Variants in TEX48 observed in about 807,000 individuals in gnomAD.
TEX48 encodes testis expressed 48.
Under a neutral mutation model 13.2 loss-of-function variants are expected in TEX48, and 10 were observed. That is an observed-to-expected ratio of 0.75 (90% confidence interval 0.47 to 1.28). TEX48 has a LOEUF of 1.28. TEX48 is among the 50% of genes most tolerant of loss of function. The pLI, the probability that TEX48 is intolerant of heterozygous loss-of-function variation, is 0.00. For missense variants in TEX48, 116 were observed against 139.4 expected, an observed-to-expected ratio of 0.83 and a Z score of 0.84; for synonymous variants, 45 against 52.3, an observed-to-expected ratio of 0.86 and a Z score of 0.60.
At chr9:114,679,132 T>A (rs1799651367) in intron 1 of TEX48, among the ~76,000 whole-genome samples, 2 of 151,742 alleles carry the variant, frequency 1.3e-5, no homozygotes, top group Admixed American at 6.6e-5. Context: ...AAACAAAAAG[T>A]GTAAGTAAAA....
At chr9:114,677,798 T>G (rs1203247426) in intron 1 of TEX48, among the ~76,000 whole-genome samples, 1 of 151,964 alleles carries the variant, frequency 6.6e-6, no homozygotes, top group Non-Finnish European at 1.5e-5. Context: ...GAGTCAGTAA[T>G]TTTCAGGTTT....
chr9:114,680,045 T>C (rs1408644191), intron 1 of TEX48, among the ~76,000 whole-genome samples: 2 of 151,588 alleles, frequency 1.3e-5, no homozygotes, highest in Admixed American at 1.3e-4. Flanking sequence ...TAGATGGTCA[T>C]GCCAGGGAAA....
intron 1 of TEX48, among the ~76,000 whole-genome samples, chr9:114,673,834 T>G (rs1364526687): frequency 6.6e-6 from 1 of 151,688 alleles, no homozygotes; most frequent in Non-Finnish European, 1.5e-5. Flanking sequence ...GAGACAGAGT[T>G]TTACTCTGTC....
chr9:114,680,122 T>C (rs1828161784), intron 1 of TEX48, among the ~76,000 whole-genome samples: 1 of 124,498 alleles, frequency 8.0e-6, no homozygotes, highest in Non-Finnish European at 1.7e-5. Flanking sequence ...TCATTGTCCC[T>C]TTTTTTTTTT....
intron 1 of TEX48, among the ~76,000 whole-genome samples, chr9:114,674,663 TTCC>T (rs754415106): frequency 0.19 from 12,523 of 65,348 alleles, 1,739 homozygotes; most frequent in African/African-American, 0.28. Flanking sequence ...CCTTCCTTCC[TTCC>T]TTCTTTCCTT....
chr9:114,674,949 G>A (rs1219211985), intron 1 of TEX48, among the ~76,000 whole-genome samples: 1 of 151,382 alleles, frequency 6.6e-6, no homozygotes, highest in African/African-American at 2.4e-5. Context: ...GGGGTTACAG[G>A]TGTGAGTCAC....
chr9:114,671,079 T>C (rs1201406486), intron 3 of TEX48, among the ~76,000 whole-genome samples: 1 of 152,188 alleles, frequency 6.6e-6, no homozygotes, highest in African/African-American at 2.4e-5. Context: ...CAAATTTACC[T>C]GGAGATCCTG....
At chr9:114,670,077 C>G (rs1827916956) in intron 3 of TEX48, among the ~76,000 whole-genome samples, 1 of 152,166 alleles carries the variant, frequency 6.6e-6, no homozygotes, top group Admixed American at 6.5e-5. Context: ...TTCATATCTG[C>G]AAAATGCTAT....
At chr9:114,672,526 A>G (rs1827967929) in intron 1 of TEX48, among the ~76,000 whole-genome samples, 1 of 152,168 alleles carries the variant, frequency 6.6e-6, no homozygotes. Flanking sequence ...GGCGTCCCTC[A>G]CAATACCTAA....
chr9:114,674,640 TCCTTCCTTCCTTCCTTCCTTCCTTCC>T (rs1828024795), intron 1 of TEX48, among the ~76,000 whole-genome samples: 1 of 136,628 alleles, frequency 7.3e-6, no homozygotes, highest in Admixed American at 7.7e-5. Context: ...CTTCCTTCCT[TCCTTCCTTCCTTCCTTCCTTCCTTCC>T]TTCTTTCCTT....
chr9:114,668,747 TC>T (rs1331648646), intron 3 of TEX48, among the ~76,000 whole-genome samples: 1 of 152,196 alleles, frequency 6.6e-6, no homozygotes, highest in African/African-American at 2.4e-5. Context: ...AAACATCTCT[TC>T]CCCAAGTTAT....
At chr9:114,667,647 C>G (rs148651097) in intron 4 of TEX48, among the ~76,000 whole-genome samples, 10,080 of 152,110 alleles carry the variant, frequency 0.066, 427 homozygotes, top group African/African-American at 0.12. Context: ...ACCTGTAATC[C>G]CAGCACTTTG....
At chr9:114,676,225 A>G (rs1038414484) in intron 1 of TEX48, among the ~76,000 whole-genome samples, 3 of 152,016 alleles carry the variant, frequency 2.0e-5, no homozygotes, top group Non-Finnish European at 4.4e-5. Context: ...CTGTAGTGGC[A>G]CCATCAGGGC....
intron 1 of TEX48, among the ~76,000 whole-genome samples, chr9:114,676,326 G>C (rs1828063119): frequency 6.6e-6 from 1 of 151,876 alleles, no homozygotes; most frequent in African/African-American, 2.4e-5. Context: ...ACCATGCCCG[G>C]TTATAGTTTT....
chr9:114,680,944 A>G (rs1828187257), intron 1 of TEX48, among the ~76,000 whole-genome samples: 1 of 152,228 alleles, frequency 6.6e-6, no homozygotes, highest in South Asian at 2.1e-4. Flanking sequence ...AAAGCCCCTT[A>G]TGCATCAGCC....
At chr9:114,677,129 C>T (rs1331346654) in intron 1 of TEX48, among the ~76,000 whole-genome samples, 2 of 152,180 alleles carry the variant, frequency 1.3e-5, no homozygotes, top group Non-Finnish European at 2.9e-5. Context: ...TAGACACATA[C>T]AGATGTCACC....
chr9:114,676,513 A>C (rs1828069974), intron 1 of TEX48, among the ~76,000 whole-genome samples: 1 of 150,626 alleles, frequency 6.6e-6, no homozygotes, highest in African/African-American at 2.4e-5. Flanking sequence ...ACATGTATTT[A>C]CTGAAAACCT....
Position 114,680,281 on chromosome 9 carries a change from C to T in TEX48, c.-105+1754G>A, listed in dbSNP as rs773530458. Among the ~76,000 whole-genome samples the T allele has an allele frequency of 4.6e-4, 70 of 152,016 alleles. 1 individual carries two copies. Among genetic ancestry groups the T allele is most frequent in the Non-Finnish European group, 1.3e-4 (9 of 68,002 alleles). On this transcript the variant is annotated intron_variant, in intron 1 of 4. Transcript: ENST00000436752. ...TAGCTGGGATTACAGGCATGCACCA[C>T]CACGCATGGCTAATTTTAGTTTTTA...
chr9:114,669,432 C>A (rs1827903530), intron 3 of TEX48, among the ~76,000 whole-genome samples: 1 of 151,886 alleles, frequency 6.6e-6, no homozygotes, highest in Non-Finnish European at 1.5e-5. Flanking sequence ...GTGTGCACCA[C>A]CATGGCTGGC....
Sources: allele counts gnomAD v4.1 joint callset (sites outside exome capture counted in the v4.1 genomes callset), GRCh38; gene constraint gnomAD v4.1.1; transcripts MANE v1.5; gene names NCBI Gene and HGNC (gene_info 2026-07-23, HGNC 2026-07-21).